The following NDE1 variants were observed in gnomAD, a reference collection of about 807,000 sequenced individuals.
NDE1 encodes the protein nuclear distribution protein nudE homolog 1.
Under a neutral mutation model 43.4 loss-of-function variants are expected in NDE1, and 28 were observed. The ratio of observed to expected loss-of-function variants is 0.65; its 90% CI spans 0.48 to 0.89. The LOEUF is 0.89. NDE1 is among the 40% of genes least tolerant of loss of function. NDE1 has a pLI of 0.00. For missense variants in NDE1, 441 were observed against 434.1 expected, an observed-to-expected ratio of 1.02 and a Z score of -0.14; for synonymous variants, 184 against 172.0, an observed-to-expected ratio of 1.07 and a Z score of -0.55.
intron 8 of NDE1, among the ~76,000 whole-genome samples, chr16:15,709,383 C>A (rs1224299035): frequency 6.6e-6 from 1 of 150,456 alleles, no homozygotes; most frequent in African/African-American, 2.4e-5. Flanking sequence ...TGATCTATCT[C>A]TGCTCACTGC....
chr16:15,703,713 C>T, intron 8 of NDE1: 1 of 471,604 alleles, frequency 2.1e-6, no homozygotes, highest in South Asian at 2.1e-5. Flanking sequence ...CTCAGCCTCC[C>T]TAGTAGCTGG....
chr16:15,704,144 C>A, intron 8 of NDE1: 1 of 1,613,386 alleles, frequency 6.2e-7, no homozygotes, highest in Non-Finnish European at 8.5e-7. Flanking sequence ...TAAGAAAACA[C>A]ATTATTTAGC....
chr16:15,724,857 G>C lies in NDE1; in HGVS notation c.*606G>C. On this transcript the variant is annotated 3_prime_UTR_variant, in exon 9 of 9. Transcript: ENST00000396354. Reference sequence around the variant, plus strand: ...CTGCCCCGAGGAAGGCCACCCCCCAGGTCCCCTGGATGATGTGGCAGGACA... The same window carrying C: ...CTGCCCCGAGGAAGGCCACCCCCCACGTCCCCTGGATGATGTGGCAGGACA... 6.2e-7 allele frequency: 1 copy of C among 1,613,834 alleles called. No individual in the cohort carries two copies. The highest frequency in any genetic ancestry group is 1.1e-5 in the South Asian group (1 of 91,086).
At chr16:15,714,854 C>T in intron 8 of NDE1, 1 of 1,606,558 alleles carries the variant, frequency 6.2e-7, no homozygotes, top group South Asian at 1.1e-5. Context: ...CCCGAGCCCC[C>T]AGTGCTTTTC....
chr16:15,652,469 G>T (rs149476820), intron 1 of NDE1, among the ~76,000 whole-genome samples: 42 of 152,290 alleles, frequency 2.8e-4, no homozygotes, highest in African/African-American at 8.9e-4. Flanking sequence ...TACTACACGT[G>T]CACCTCGTGC....
intron 5 of NDE1, 51 bp from the exon 6 acceptor site, chr16:15,691,093 C>A (rs537445395): frequency 1.2e-5 from 19 of 1,611,072 alleles, no homozygotes; most frequent in Non-Finnish European, 1.5e-5. Context: ...TAAACATGAG[C>A]CACTGCGCCT....
intron 2 of NDE1, among the ~76,000 whole-genome samples, chr16:15,665,089 C>T (rs1186064597): frequency 2.0e-5 from 3 of 151,476 alleles, no homozygotes; most frequent in Non-Finnish European, 4.4e-5. Context: ...ACAGGGGTCT[C>T]GCTATGTTGC....
chr16:15,662,534 C>T (rs569104587), intron 1 of NDE1, among the ~76,000 whole-genome samples: 70 of 151,570 alleles, frequency 4.6e-4, no homozygotes, highest in African/African-American at 1.5e-3. Context: ...CCGCCTGCCT[C>T]GGCCTCCCAA....
intron 3 of NDE1, among the ~76,000 whole-genome samples, chr16:15,674,299 A>G (rs2037753006): frequency 2.0e-5 from 3 of 152,084 alleles, no homozygotes; most frequent in Admixed American, 1.3e-4. Flanking sequence ...ACTAGAGAAC[A>G]GTGGCACAAT....
At position 15,724,501 on chromosome 16, in the gene NDE1, C is replaced by T. The variant is rs2040648661; in HGVS notation, c.*250C>T. 1.2e-5 allele frequency: 20 copies of T among 1,608,536 alleles called. No homozygotes were observed. The highest frequency in any genetic ancestry group is 1.7e-5 in the Non-Finnish European group (20 of 1,178,170). ...AGACTCTGAGAAGCGAAGACCATGT[C>T]TCCTCGTTGGAGAAACCCAATAGCA... On this transcript the variant is annotated 3_prime_UTR_variant, in exon 9 of 9. Coordinates refer to ENST00000396354, the MANE Select transcript of NDE1 (RefSeq NM_017668.3).
rs756538881 is a variant in NDE1 at position 15,718,346 on chromosome 16, A to T, written c.948-5845A>T. The T allele has an allele frequency of 1.9e-6, 3 of 1,609,012 alleles. No individual in the cohort carries two copies. The highest frequency in any genetic ancestry group is 2.5e-6 in the Non-Finnish European group (3 of 1,179,862). On this transcript the variant is annotated intron_variant, in intron 8 of 8. Coordinates refer to ENST00000396354, the MANE Select transcript of NDE1 (RefSeq NM_017668.3). ...TGTGGCTTTGCGGACCCGGTCGCTC[A>T]TGGCCTCCATGTTGCCCTGCTCCTC...
In NDE1 at chr16:15,724,466, C is replaced by G. The variant is rs1228339791; in HGVS notation, c.*215C>G. ...GGGGGACCATGAGTGGCCCCTGTCC[C>G]TGGCCCCACAGACTCTGAGAAGCGA... On this transcript the variant is annotated 3_prime_UTR_variant, in exon 9 of 9. Coordinates refer to ENST00000396354, the MANE Select transcript of NDE1 (RefSeq NM_017668.3). 4 of 1,610,638 alleles carry G rather than the reference C, an allele frequency of 2.5e-6. No homozygotes were observed. The highest frequency in any genetic ancestry group is 2.7e-5 in the African/African-American group (2 of 74,866).
chr16:15,707,585 G>C (rs2039524010), intron 8 of NDE1, among the ~76,000 whole-genome samples: 1 of 152,176 alleles, frequency 6.6e-6, no homozygotes. Flanking sequence ...TAAGTATTTT[G>C]GTAGTGACAG....
intron 3 of NDE1, among the ~76,000 whole-genome samples, chr16:15,676,182 C>T (rs1332758121): frequency 4.7e-5 from 7 of 150,454 alleles, no homozygotes; most frequent in Admixed American, 4.0e-4. Context: ...TTTATCCCCT[C>T]CTTTTCTCCC....
intron 1 of NDE1, 44 bp from the exon 2 acceptor site, chr16:15,664,692 G>A (rs1315016554): frequency 9.9e-6 from 10 of 1,007,554 alleles, no homozygotes; most frequent in Non-Finnish European, 1.3e-5. Context: ...GGGATCAGCT[G>A]TTTAACCAGA....
At chr16:15,666,305 A>C (rs1175472079) in intron 2 of NDE1, among the ~76,000 whole-genome samples, 1 of 151,944 alleles carries the variant, frequency 6.6e-6, no homozygotes, top group East Asian at 1.9e-4. Flanking sequence ...CAGTCCCCTT[A>C]GTTTCTTTCA....
At chr16:15,704,795 GGT>G (rs1004117504) in intron 8 of NDE1, among the ~76,000 whole-genome samples, 1 of 152,194 alleles carries the variant, frequency 6.6e-6, no homozygotes, top group African/African-American at 2.4e-5. Context: ...GCGTAAAACA[GGT>G]GCCCAGTGAA....
At chr16:15,684,968 T>G (rs1206501388) in intron 4 of NDE1, among the ~76,000 whole-genome samples, 1 of 152,208 alleles carries the variant, frequency 6.6e-6, no homozygotes, top group Non-Finnish European at 1.5e-5. Context: ...TCATTCTTGT[T>G]TCATTGTCAC....
chr16:15,646,805 CT>C (rs2036339926), upstream of NDE1, among the ~76,000 whole-genome samples: 2 of 151,966 alleles, frequency 1.3e-5, no homozygotes, highest in South Asian at 4.2e-4. Context: ...AATCCCAGCA[CT>C]TTTGGAGGCT....
Sources: allele counts gnomAD v4.1 joint callset (sites outside exome capture counted in the v4.1 genomes callset), GRCh38; gene constraint gnomAD v4.1.1; transcripts MANE v1.5; gene names NCBI Gene and HGNC (gene_info 2026-07-23, HGNC 2026-07-21).